The following ARRB1 variants were observed in gnomAD, a reference collection of about 807,000 sequenced individuals.
The protein encoded by ARRB1 is beta-arrestin-1.
Under a neutral mutation model 56.8 loss-of-function variants are expected in ARRB1, and 21 were observed. That is an observed-to-expected ratio of 0.37 (90% CI 0.26 to 0.53). ARRB1 has a LOEUF of 0.53. Ranked by LOEUF, ARRB1 falls within the 20% of genes least tolerant of loss-of-function variation. The pLI is 0.88. For synonymous variants in ARRB1, 210 were observed against 218.6 expected (o/e 0.96, Z 0.35); for missense variants, 424 against 553.7 (o/e 0.77, Z 2.35).
At chr11:75,271,023 G>A (rs147348920) in intron 13 of ARRB1, 8 of 151,934 alleles carry the variant, frequency 5.3e-5, no homozygotes, top group African/African-American at 1.7e-4. Context: ...ACCTTCTACC[G>A]GGCCAGGAAC....
chr11:75,299,448 A>G (rs1789683), intron 1 of ARRB1, among the ~76,000 whole-genome samples: 8 of 136,066 alleles, frequency 5.9e-5, no homozygotes, highest in East Asian at 4.0e-4. Flanking sequence ...AGAATCTAGG[A>G]AAAAAAAAAA....
intron 1 of ARRB1, among the ~76,000 whole-genome samples, chr11:75,319,054 A>C (rs1947306026): frequency 6.6e-6 from 1 of 152,184 alleles, no homozygotes; most frequent in Non-Finnish European, 1.5e-5. Flanking sequence ...TAGCACACAG[A>C]AGTCAATAAT....
In ARRB1 at chr11:75,317,594, C is replaced by T. The variant is rs79279308; in HGVS notation, c.21-27555G>A. ...ACATTTCACAGTGTGCATCTCTTGC[C>T]GTCTGTCTACCTGCTCCAGACCATA... On this transcript the variant is annotated intron_variant, in intron 1 of 15. Transcript: ENST00000420843. 3.8e-3 allele frequency among the ~76,000 whole-genome samples: 573 copies of T among 152,270 alleles called. 4 individuals are homozygous for T. Among genetic ancestry groups the T allele is most frequent in the African/African-American group, 0.013 (525 of 41,542 alleles).
chr11:75,311,913 T>C (rs1947169985), intron 1 of ARRB1: 3 of 643,614 alleles, frequency 4.7e-6, no homozygotes, highest in Non-Finnish European at 7.1e-6. Context: ...CACCAGGGCC[T>C]GTCAGAAGGG....
At chr11:75,350,808 C>T (rs1947836722) in intron 1 of ARRB1, among the ~76,000 whole-genome samples, 1 of 152,108 alleles carries the variant, frequency 6.6e-6, no homozygotes, top group Non-Finnish European at 1.5e-5. Flanking sequence ...GGGCGCTCTA[C>T]CCTGTGTGAT....
At chr11:75,273,008 GGGGCCTTGCCAGGT>G (rs1565105882) in intron 11 of ARRB1, 30 bp from the exon 12 acceptor site, 1 of 1,609,104 alleles carries the variant, frequency 6.2e-7, no homozygotes, top group African/African-American at 1.3e-5. Context: ...AGCCAGTTCA[GGGGCCTTGCCAGGT>G]GGGCGAGACA....
intron 1 of ARRB1, among the ~76,000 whole-genome samples, chr11:75,308,855 G>A (rs193276399): frequency 2.7e-3 from 404 of 152,234 alleles, no homozygotes; most frequent in Non-Finnish European, 4.7e-3. Context: ...CCACCTCGGC[G>A]TCCTGAGTAG....
At chr11:75,300,507 TG>T (rs1471492328) in intron 1 of ARRB1, among the ~76,000 whole-genome samples, 2 of 151,918 alleles carry the variant, frequency 1.3e-5, no homozygotes, top group Non-Finnish European at 2.9e-5. Flanking sequence ...GCCTGAGAGG[TG>T]GGATTATGTG....
intron 14 of ARRB1, among the ~76,000 whole-genome samples, chr11:75,268,153 G>T (rs1445322722): frequency 6.6e-6 from 1 of 151,986 alleles, no homozygotes; most frequent in East Asian, 1.9e-4. Flanking sequence ...CTATTATGTT[G>T]TCTCTCTCCA....
At chr11:75,277,782 G>T (rs139993444) in intron 8 of ARRB1, among the ~76,000 whole-genome samples, 1 of 152,362 alleles carries the variant, frequency 6.6e-6, no homozygotes, top group African/African-American at 2.4e-5. Context: ...GAAAGATAAC[G>T]GAATTGGAAG....
At chr11:75,336,132 G>A (rs1437742011) in intron 1 of ARRB1, among the ~76,000 whole-genome samples, 1 of 152,162 alleles carries the variant, frequency 6.6e-6, no homozygotes, top group Non-Finnish European at 1.5e-5. Context: ...GCAGTGGGCA[G>A]GCACGCTGAG....
chr11:75,274,259 C>T (rs1409311992), intron 10 of ARRB1, 48 bp from the exon 11 acceptor site: 22 of 1,603,906 alleles, frequency 1.4e-5, no homozygotes, highest in Non-Finnish European at 1.8e-5. Context: ...CCAGAGCCAA[C>T]CCCAGCCCTG....
chr11:75,330,189 T>C (rs1158316482), intron 1 of ARRB1, among the ~76,000 whole-genome samples: 4 of 152,260 alleles, frequency 2.6e-5, no homozygotes. Flanking sequence ...CTGCTGCTCC[T>C]GCAAGCTGTG....
intron 2 of ARRB1, among the ~76,000 whole-genome samples, chr11:75,287,902 G>A (rs1192810021): frequency 1.3e-5 from 2 of 151,934 alleles, no homozygotes; most frequent in African/African-American, 2.4e-5. Flanking sequence ...TGCTCTTGTT[G>A]CCCGGCCTGG....
chr11:75,314,769 G>T (rs1947234484), intron 1 of ARRB1, among the ~76,000 whole-genome samples: 1 of 150,982 alleles, frequency 6.6e-6, no homozygotes, highest in Non-Finnish European at 1.5e-5. Context: ...ACCACACCCA[G>T]CTCATTTTTG....
intron 1 of ARRB1, among the ~76,000 whole-genome samples, chr11:75,304,979 A>G (rs1946988959): frequency 6.6e-6 from 1 of 151,270 alleles, no homozygotes; most frequent in Non-Finnish European, 1.5e-5. Flanking sequence ...TATTAAAAGC[A>G]AAGGGAATGC....
chr11:75,349,008 G>A (rs953893147), intron 1 of ARRB1, among the ~76,000 whole-genome samples: 5 of 152,228 alleles, frequency 3.3e-5, no homozygotes, highest in Admixed American at 1.3e-4. Flanking sequence ...CAGATGGAGG[G>A]ATGGTTGCGA....
At chr11:75,292,379 A>G (rs759569811) in intron 1 of ARRB1, among the ~76,000 whole-genome samples, 57 of 152,052 alleles carry the variant, frequency 3.7e-4, no homozygotes, top group Non-Finnish European at 6.8e-4. Context: ...ACCTCAAGTG[A>G]TCCTCCCACC....
intron 1 of ARRB1, among the ~76,000 whole-genome samples, chr11:75,345,843 G>A (rs1040456543): frequency 1.6e-4 from 25 of 152,136 alleles, no homozygotes; most frequent in African/African-American, 5.6e-4. Context: ...TCCCTGGACC[G>A]ATAGCAGAGG....
Sources: allele counts gnomAD v4.1 joint callset (sites outside exome capture counted in the v4.1 genomes callset), GRCh38; gene constraint gnomAD v4.1.1; transcripts MANE v1.5; gene names NCBI Gene and HGNC (gene_info 2026-07-23, HGNC 2026-07-21).